Variants in ZC3H12B observed in about 807,000 individuals in gnomAD.
ZC3H12B encodes zinc finger CCCH-type containing 12B.
Under a neutral mutation model 43.9 loss-of-function variants are expected in ZC3H12B, and 7 were observed. The observed-to-expected ratio is 0.16, with a 90% CI of 0.09 to 0.30. ZC3H12B has a LOEUF of 0.30. ZC3H12B is among the 10% of genes least tolerant of loss of function. The probability of loss-of-function intolerance (pLI) is 1.00; values close to 1 mark genes in which losing one functional copy is unlikely to be tolerated. For synonymous variants in ZC3H12B, 222 were observed against 241.7 expected, an observed-to-expected ratio of 0.92 and a Z score of 0.76; for missense variants, 475 against 670.2, an observed-to-expected ratio of 0.71 and a Z score of 3.22.
chrX:65,472,994 A>G (rs1226031316), intron 3 of ZC3H12B, among the ~76,000 whole-genome samples: 2 of 77,302 alleles, frequency 2.6e-5, no homozygotes, highest in East Asian at 7.2e-4. Flanking sequence ...ATATATATAT[A>G]TATGTATATA....
At chrX:65,086,822 A>T in the ZC3H12B span, among the ~76,000 whole-genome samples, 1 of 111,900 alleles carries the variant, frequency 8.9e-6, no homozygotes, top group African/African-American at 3.3e-5. Context: ...CATCCCAAAC[A>T]GACTAAGATA....
intron 3 of ZC3H12B, among the ~76,000 whole-genome samples, chrX:65,457,111 A>C (rs1450329986): frequency 1.1e-5 from 1 of 89,701 alleles, no homozygotes; most frequent in African/African-American, 4.2e-5. Flanking sequence ...CTGGGATGTG[A>C]GGAGCGCCTC....
At chrX:65,381,100 G>A (rs1423003765) in intron 2 of ZC3H12B, among the ~76,000 whole-genome samples, 1 of 111,142 alleles carries the variant, frequency 9.0e-6, no homozygotes, top group East Asian at 2.8e-4. Context: ...GCACCAAGCG[G>A]ACCTAATAGA....
the ZC3H12B span, among the ~76,000 whole-genome samples, chrX:65,197,062 G>A: frequency 1.4e-4 from 16 of 111,855 alleles, no homozygotes; most frequent in African/African-American, 4.2e-4. Flanking sequence ...CAGAAATGGA[G>A]CCAGCAAGTG....
At chrX:65,343,688 G>A in the ZC3H12B span, among the ~76,000 whole-genome samples, 2 of 112,027 alleles carry the variant, frequency 1.8e-5, no homozygotes, top group Non-Finnish European at 3.8e-5. Context: ...AAAATAATGA[G>A]CCATTTATAA....
the ZC3H12B span, among the ~76,000 whole-genome samples, chrX:65,134,004 G>A: frequency 1.8e-5 from 2 of 111,048 alleles, no homozygotes; most frequent in South Asian, 3.9e-4. Flanking sequence ...AACCATTATC[G>A]AGTTTGTATT....
chrX:65,475,252 T>C (rs2067977108), intron 3 of ZC3H12B, among the ~76,000 whole-genome samples: 1 of 111,919 alleles, frequency 8.9e-6, no homozygotes, highest in Admixed American at 9.5e-5. Flanking sequence ...TCTATATATC[T>C]CTATTTTATG....
chrX:65,340,692 A>G, the ZC3H12B span, among the ~76,000 whole-genome samples: 20 of 112,137 alleles, frequency 1.8e-4, no homozygotes, highest in African/African-American at 6.5e-4. Flanking sequence ...AGGATAAAAG[A>G]AAAAAACTCA....
intron 3 of ZC3H12B, among the ~76,000 whole-genome samples, chrX:65,421,879 C>T (rs1374855871): frequency 1.9e-5 from 2 of 106,739 alleles, no homozygotes; most frequent in East Asian, 5.9e-4. Context: ...ACCGGGCAGG[C>T]GGAGCTTGCA....
the ZC3H12B span, among the ~76,000 whole-genome samples, chrX:65,307,935 T>A: frequency 8.9e-6 from 1 of 111,864 alleles, no homozygotes; most frequent in Non-Finnish European, 1.9e-5. Context: ...CAACCTTTAA[T>A]AAAATACTGA....
chrX:65,216,070 A>C, the ZC3H12B span, among the ~76,000 whole-genome samples: 1 of 111,379 alleles, frequency 9.0e-6, no homozygotes, highest in African/African-American at 3.3e-5. Flanking sequence ...GCAGAGCAGC[A>C]TGGTCAAATA....
the ZC3H12B span, among the ~76,000 whole-genome samples, chrX:65,127,052 C>A: frequency 2.7e-5 from 3 of 110,513 alleles, no homozygotes; most frequent in African/African-American, 9.9e-5. Context: ...GTGGTATGAT[C>A]TTTTGGGGAT....
intron 3 of ZC3H12B, among the ~76,000 whole-genome samples, chrX:65,454,008 G>T (rs141507695): frequency 0.016 from 1,844 of 111,925 alleles, 37 homozygotes; most frequent in African/African-American, 0.055. Context: ...CTCAGAAAGG[G>T]TGGAGCCAAG....
the ZC3H12B span, among the ~76,000 whole-genome samples, chrX:65,115,569 C>G: frequency 9.0e-6 from 1 of 111,307 alleles, no homozygotes; most frequent in South Asian, 3.7e-4. Flanking sequence ...GGGTAGATAC[C>G]TAGTAGTGGG....
At chrX:65,337,116 G>C in the ZC3H12B span, among the ~76,000 whole-genome samples, 1 of 111,461 alleles carries the variant, frequency 9.0e-6, no homozygotes, top group South Asian at 3.8e-4. Flanking sequence ...TCTTAGAAGA[G>C]ACTCCAACTC....
chrX:65,190,416 C>T, the ZC3H12B span, among the ~76,000 whole-genome samples: 16 of 111,421 alleles, frequency 1.4e-4, no homozygotes, highest in East Asian at 4.5e-3. Context: ...GATATTGATT[C>T]TTCTTACCCA....
the ZC3H12B span, among the ~76,000 whole-genome samples, chrX:65,230,021 C>T: frequency 2.7e-5 from 3 of 111,230 alleles, no homozygotes; most frequent in Non-Finnish European, 5.7e-5. Context: ...TTGACCCAGC[C>T]ATCCCATTAC....
At chrX:65,303,268 T>C in the ZC3H12B span, among the ~76,000 whole-genome samples, 1 of 111,566 alleles carries the variant, frequency 9.0e-6, no homozygotes, top group Non-Finnish European at 1.9e-5. Flanking sequence ...TTATCAGGCT[T>C]AGTACCTGGA....
At chrX:65,428,561 G>A (rs187315193) in intron 3 of ZC3H12B, among the ~76,000 whole-genome samples, 213 of 112,743 alleles carry the variant, frequency 1.9e-3, no homozygotes, top group Middle Eastern at 0.018. Context: ...TAACATTTAT[G>A]ATTGCATTGT....
Sources: gnomAD v4.1 joint callset for allele counts (sites outside exome capture counted in the v4.1 genomes callset) on GRCh38, gnomAD v4.1.1 for gene constraint, MANE v1.5 for transcripts, NCBI Gene and HGNC (gene_info 2026-07-23, HGNC 2026-07-21) for gene names.